Variants in ACACA observed in about 807,000 individuals in gnomAD.
The protein encoded by ACACA is acetyl-CoA carboxylase 1.
ACACA carries 103 observed loss-of-function variants against 296.1 expected under a neutral mutation model. The ratio of observed to expected loss-of-function variants is 0.35; its 90% CI spans 0.30 to 0.41. The LOEUF (loss-of-function observed/expected upper bound fraction) is 0.41. Among genes scored for constraint, ACACA ranks in the 10% least tolerant of loss-of-function variants. The probability of loss-of-function intolerance (pLI) is 1.00; values close to 1 mark genes in which losing one functional copy is unlikely to be tolerated. For missense variants in ACACA, 1,554 were observed against 2,989.7 expected (o/e 0.52, Z 11.20); for synonymous variants, 953 against 1,038.6 (o/e 0.92, Z 1.58).
intron 27 of ACACA, 108 bp downstream of exon 27, chr17:37,224,884 C>A (rs2079467497): frequency 6.2e-6 from 3 of 482,630 alleles, no homozygotes; most frequent in South Asian, 5.1e-5. Flanking sequence ...TATGGAAAAT[C>A]AAAATTAATT....
chr17:37,377,358 C>G (rs1197818132), intron 1 of ACACA, among the ~76,000 whole-genome samples: 1 of 152,068 alleles, frequency 6.6e-6, no homozygotes, highest in Non-Finnish European at 1.5e-5. Flanking sequence ...ATGTATTTGG[C>G]TGGGTGTTCT....
intron 1 of ACACA, among the ~76,000 whole-genome samples, chr17:37,398,302 T>TC (rs2051154542): frequency 6.8e-6 from 1 of 146,860 alleles, no homozygotes; most frequent in Non-Finnish European, 1.5e-5. Context: ...TTTTTTTTTT[T>TC]TGAGACGAAG....
chr17:37,390,253 T>TATATAATATATTATA (rs2050767925), intron 1 of ACACA, among the ~76,000 whole-genome samples: 1 of 35,086 alleles, frequency 2.9e-5, no homozygotes, highest in African/African-American at 2.6e-4. Flanking sequence ...TATATATATA[T>TATATAATATATTATA]TATATATAAT....
intron 24 of ACACA, among the ~76,000 whole-genome samples, chr17:37,236,553 G>A (rs578225827): frequency 5.3e-5 from 8 of 151,780 alleles, no homozygotes; most frequent in South Asian, 4.2e-4. Flanking sequence ...GGCTGGGTGC[G>A]GTGGCTCACC....
chr17:37,257,897 T>A lies in ACACA; in HGVS notation c.1663-31A>T, dbSNP rs1329727823. On this transcript the variant is annotated intron_variant, in intron 13 of 55. Transcript: ENST00000616317. ...AGAGAATAAAGAATGAGAGACCATA[T>A]TATGTTTCGAAGGAAGAGAAGATTT... 1.9e-6 allele frequency: 3 copies of A among 1,611,102 alleles called. No homozygotes were observed. The Admixed American group carries it at 5.0e-5, about 27-fold the overall frequency.
At position 37,112,996 on chromosome 17, in the gene ACACA, C is replaced by A. The variant is rs1401087918; in HGVS notation, c.6452+92G>T. The A allele has an allele frequency of 2.7e-6, 4 of 1,456,662 alleles. No homozygotes were observed. In the East Asian group the frequency reaches 9.2e-5, roughly 34 times the overall value. 90.2% of individuals were successfully genotyped at this position (1,456,662 alleles called of 1,614,324 possible). ...GGTTTGGAATCACAGGATGTGGGTGCTGTAGTGCCATGGCTGTAACATTCT... is the reference window on the plus strand; with the variant it reads ...GGTTTGGAATCACAGGATGTGGGTGATGTAGTGCCATGGCTGTAACATTCT... On this transcript the variant is annotated intron_variant, in intron 51 of 55. Transcript: ENST00000616317.
intron 31 of ACACA, among the ~76,000 whole-genome samples, chr17:37,207,245 C>T (rs539866344): frequency 1.3e-5 from 2 of 152,222 alleles, no homozygotes; most frequent in East Asian, 3.9e-4. Context: ...ATTACCCCTC[C>T]CCCTAGGGTA....
intron 19 of ACACA, 21 bp from the exon 20 acceptor site, chr17:37,245,235 G>A: frequency 6.2e-7 from 1 of 1,612,210 alleles, no homozygotes; most frequent in Non-Finnish European, 8.5e-7. Context: ...AAATAAACTA[G>A]ACTCAGATTT....
rs1353983872 is a variant in ACACA, at chr17:37,242,068, AG to A, written c.2932-16del. On this transcript the variant is annotated splice_polypyrimidine_tract_variant and intron_variant, in intron 22 of 55. Transcript: ENST00000616317. ...ATGTTTGCAATCTAAGGTATAAAAAAGGGAAAAAAATGAGGCCCAACCCAAC... is the reference window on the plus strand; with the variant it reads ...ATGTTTGCAATCTAAGGTATAAAAAAGGAAAAAAATGAGGCCCAACCCAAC... 3.7e-6 allele frequency: 6 copies of A among 1,610,762 alleles called. No individual in the cohort carries two copies. The highest frequency in any genetic ancestry group is 2.2e-5 in the East Asian group (1 of 44,866).
chr17:37,357,456 G>T (rs2049194493), intron 1 of ACACA, among the ~76,000 whole-genome samples: 1 of 152,148 alleles, frequency 6.6e-6, no homozygotes. Context: ...TCGCACCATT[G>T]CACTCCAGTC....
Position 37,161,959 on chromosome 17 carries a change from C to T in ACACA, c.5171G>A (p.Arg1724Gln), listed in dbSNP as rs1357271377. ...IIVIGNDITY[R>Q]IGSFGPQEDL... Reference sequence around the variant, plus strand: ...CTCTTGAGGCCCAAAGGACCCAATTCGGTATGTGATGTCATTGCCAATAAC... The same window carrying T: ...CTCTTGAGGCCCAAAGGACCCAATTTGGTATGTGATGTCATTGCCAATAAC... The change falls in exon 42 of 56, where the codon CGA (arginine) becomes CAA (glutamine). Residue 1724 changes from arginine to glutamine, a missense_variant. Arg to Gln is a conservative substitution (Grantham distance 43). Around this residue, in one of 16 missense-constraint regions of ACACA, gnomAD observed 553 missense variants for 1,043.6 expected, o/e 0.53. Transcript: ENST00000616317. 6.2e-6 allele frequency: 10 copies of T among 1,614,152 alleles called. No individual in the cohort carries two copies. In the Admixed American group the frequency reaches 8.3e-5, roughly 13 times the overall value.
At chr17:37,233,216 T>C (rs2079945985) in intron 25 of ACACA, among the ~76,000 whole-genome samples, 1 of 152,100 alleles carries the variant, frequency 6.6e-6, no homozygotes, top group African/African-American at 2.4e-5. Context: ...AGGCCTGAGC[T>C]CCGAACAGCT....
intron 26 of ACACA, among the ~76,000 whole-genome samples, chr17:37,225,900 C>T (rs2079522747): frequency 6.6e-6 from 1 of 152,218 alleles, no homozygotes; most frequent in Non-Finnish European, 1.5e-5. Flanking sequence ...TGGGGTTGTT[C>T]TGATTGCTGC....
At position 37,268,743 on chromosome 17, in the gene ACACA, A is replaced by ATCTATC. The variant is rs1260971683; in HGVS notation, c.1119+2007_1119+2008insGATAGA. 9.7e-3 allele frequency among the ~76,000 whole-genome samples: 990 copies of ATCTATC among 101,986 alleles called. 11 individuals are homozygous for ATCTATC. The highest frequency in any genetic ancestry group is 0.057 in the East Asian group (194 of 3,376). 66.9% of individuals were successfully genotyped at this position (101,986 alleles called of 152,430 possible). On this transcript the variant is annotated intron_variant, in intron 10 of 55. Transcript: ENST00000616317. ...TATCTATCTATCTATCTATCTATCT[A>ATCTATC]TATATATATATATATATATATATAT...
chr17:37,374,743 G>C (rs968263374), intron 1 of ACACA, among the ~76,000 whole-genome samples: 3 of 152,112 alleles, frequency 2.0e-5, no homozygotes, highest in African/African-American at 7.2e-5. Context: ...CTCACCTGCC[G>C]TATTTAGCTC....
intron 41 of ACACA, among the ~76,000 whole-genome samples, chr17:37,166,315 T>A (rs913371730): frequency 4.0e-5 from 6 of 151,744 alleles, no homozygotes; most frequent in Non-Finnish European, 7.4e-5. Flanking sequence ...TTTTTTTTAT[T>A]TTTTGTAGAG....
Position 37,253,021 on chromosome 17 carries a change from A to G in ACACA, c.1842T>C (p.Ala614=). The stretch of plus-strand genomic sequence containing the variant: ...CACCCCGAATAGACAGCTCCTTCAA[A>G]GCCACCACCATGTTTCTGGGAGAAC... ...REEAISNMVV[A]LKELSIRGDF... The change falls in exon 15 of 56, where the codon GCT becomes GCC. Residue 614 remains alanine (A), a synonymous_variant. Transcript: ENST00000616317. 6.2e-7 allele frequency: 1 copy of G among 1,614,232 alleles called. No homozygotes were observed. The highest frequency in any genetic ancestry group is 8.5e-7 in the Non-Finnish European group (1 of 1,180,048).
chr17:37,302,201 T>TC (rs1440416769), intron 3 of ACACA, among the ~76,000 whole-genome samples: 2 of 149,148 alleles, frequency 1.3e-5, no homozygotes, highest in African/African-American at 4.9e-5. Context: ...GGTCTGGAAC[T>TC]CTTTTTTTTT....
At chr17:37,299,040 C>T (rs574464988) in intron 3 of ACACA, among the ~76,000 whole-genome samples, 412 of 152,148 alleles carry the variant, frequency 2.7e-3, no homozygotes, top group Non-Finnish European at 4.5e-3. Flanking sequence ...TTGTTTTCAA[C>T]GTAGCTAAAA....
Sources: gnomAD v4.1 joint callset for allele counts (sites outside exome capture counted in the v4.1 genomes callset) on GRCh38, gnomAD v4.1.1 for gene constraint, gnomAD v4.1.1 regional missense constraint, MANE v1.5 for transcripts, NCBI Gene and HGNC (gene_info 2026-07-23, HGNC 2026-07-21) for gene names.